Variants in INAVA observed in about 807,000 individuals in gnomAD.
The protein encoded by INAVA is innate immunity activator, also known as innate immunity activator protein.
Under a neutral mutation model 55.3 loss-of-function variants are expected in INAVA, and 32 were observed. The ratio of observed to expected loss-of-function variants is 0.58; its 90% CI spans 0.44 to 0.78. INAVA has a LOEUF of 0.78. Among genes scored for constraint, INAVA ranks in the 30% least tolerant of loss-of-function variants. The pLI is 0.00. For missense variants in INAVA, 756 were observed against 786.4 expected, an observed-to-expected ratio of 0.96 and a Z score of 0.46; for synonymous variants, 294 against 329.4, an observed-to-expected ratio of 0.89 and a Z score of 1.16.
Position 200,898,424 on chromosome 1 carries a change from C to T in INAVA, c.24C>T (p.Ser8=), listed in dbSNP as rs2271017. 0.039 allele frequency: 63,275 copies of T among 1,613,908 alleles called. 1,588 individuals are homozygous for T. The highest frequency in any genetic ancestry group is 0.13 in the East Asian group (5,793 of 44,860). Residue 8 remains serine (S), a synonymous_variant, in exon 2 of 10, where the codon AGC becomes AGT. Coordinates refer to ENST00000413687, the MANE Select transcript of INAVA (RefSeq NM_001142569.3). ...CCATGGAGAGTAAGGATGAGGTCAG[C>T]GACACCGACAGTGGCATCATCCTGC... MESKDEV[S]DTDSGIILQS...
At chr1:200,892,609 T>C (rs1668258985), upstream of INAVA, among the ~76,000 whole-genome samples, 1 of 152,210 alleles carries the variant, frequency 6.6e-6, no homozygotes, top group African/African-American at 2.4e-5. Context: ...ACTGGTGGTC[T>C]GGACGGCACT....
At position 200,898,387 on chromosome 1, in the gene INAVA, T is replaced by A; in HGVS notation, c.-14T>A. The stretch of plus-strand genomic sequence containing the variant: ...CCCTCCCTGCTCTGTGCCCTCTCCT[T>A]CCAGAAATCCACCATGGAGAGTAAG... On this transcript the variant is annotated 5_prime_UTR_variant, in exon 2 of 10. Transcript: ENST00000413687. 1 of 1,614,100 alleles carries A rather than the reference T, an allele frequency of 6.2e-7. No individual in the cohort carries two copies. Among genetic ancestry groups the A allele is most frequent in the Non-Finnish European group, 8.5e-7 (1 of 1,180,006 alleles).
chr1:200,902,036 C>T (rs561097302), intron 5 of INAVA, among the ~76,000 whole-genome samples: 100 of 152,298 alleles, frequency 6.6e-4, no homozygotes, highest in Non-Finnish European at 1.1e-3. Context: ...CATGACTCAG[C>T]TCTGCCCCCC....
At chr1:200,902,355 G>A (rs777023215) in intron 5 of INAVA, among the ~76,000 whole-genome samples, 7 of 152,144 alleles carry the variant, frequency 4.6e-5, no homozygotes, top group Non-Finnish European at 8.8e-5. Flanking sequence ...TTTAATTTAG[G>A]GTAGAAAGTG....
At chr1:200,901,286 C>A in intron 5 of INAVA, 127 bp downstream of exon 5, 1 of 912,936 alleles carries the variant, frequency 1.1e-6, no homozygotes, top group Non-Finnish European at 1.6e-6. Flanking sequence ...TTGGGTTCAG[C>A]TCCACCCCAT....
chr1:200,908,392 T>G, intron 6 of INAVA: 1 of 239,260 alleles, frequency 4.2e-6, no homozygotes, highest in East Asian at 9.7e-5. Context: ...ATAGGCCATA[T>G]GGGCATGGCA....
intron 1 of INAVA, among the ~76,000 whole-genome samples, chr1:200,895,603 A>G (rs1668330019): frequency 6.6e-6 from 1 of 152,050 alleles, no homozygotes; most frequent in South Asian, 2.1e-4. Context: ...CTTAAGACTC[A>G]TAGCCTCCTG....
In INAVA at chr1:200,911,805, G is replaced by A; in HGVS notation, c.1312G>A (p.Val438Met). 2 of 1,608,070 alleles carry A rather than the reference G, an allele frequency of 1.2e-6. No individual in the cohort carries two copies. Among genetic ancestry groups the A allele is most frequent in the African/African-American group, 1.3e-5 (1 of 74,962 alleles). ...PPGYFPAGRY[V>M]VVAESPLPPG... ...TGGCTATTTCCCGGCGGGGCGGTAC[G>A]TGGTGGTGGCTGAGAGCCCCCTGCC... Residue 438 changes from valine (V) to methionine (M), a missense_variant, in exon 9 of 10, where the codon GTG (valine) becomes ATG (methionine). Coordinates refer to ENST00000413687, the MANE Select transcript of INAVA (RefSeq NM_001142569.3).
chr1:200,896,998 G>GCCCACCCCT (rs1215348560), intron 1 of INAVA, among the ~76,000 whole-genome samples: 2 of 152,222 alleles, frequency 1.3e-5, no homozygotes, highest in Admixed American at 6.5e-5. Context: ...CATGGGCTCC[G>GCCCACCCCT]CCCACCCCTC....
chr1:200,895,011 C>G lies in INAVA; in HGVS notation c.-171C>G, dbSNP rs372238891. The G allele has an allele frequency of 1.0e-6, 1 of 985,474 alleles. No homozygotes were observed. The highest frequency in any genetic ancestry group is 1.1e-4 in the East Asian group (1 of 8,902). 61.0% of individuals were successfully genotyped at this position (985,474 alleles called of 1,614,324 possible). ...GCCTGTGGCTTGGGAGACCCTGAGG[C>G]GACATGTGAGGGCCCTGAGCCCCCT... On this transcript the variant is annotated 5_prime_UTR_variant, in exon 1 of 10. Transcript: ENST00000413687.
chr1:200,907,588 G>T (rs1653546132), intron 5 of INAVA, among the ~76,000 whole-genome samples: 1 of 151,968 alleles, frequency 6.6e-6, no homozygotes, highest in Non-Finnish European at 1.5e-5. Flanking sequence ...GAGCCTGGGA[G>T]GTCAAGGCTG....
intron 6 of INAVA, chr1:200,908,349 C>A: frequency 4.8e-6 from 1 of 208,584 alleles, no homozygotes; most frequent in Non-Finnish European, 9.5e-6. Flanking sequence ...TGCAGTCCTG[C>A]CCAGGGGAGT....
chr1:200,891,821 C>G, upstream of INAVA: 3 of 607,084 alleles, frequency 4.9e-6, no homozygotes, highest in East Asian at 6.9e-5. Flanking sequence ...GTAATTTTTT[C>G]AAAGGGGCAG....
chr1:200,909,863 G>A (rs532893110), intron 8 of INAVA, among the ~76,000 whole-genome samples: 1 of 152,136 alleles, frequency 6.6e-6, no homozygotes, highest in Non-Finnish European at 1.5e-5. Context: ...CTTTGGTCAC[G>A]ACATTTTGCA....
chr1:200,896,129 CAG>C (rs1668345797), intron 1 of INAVA, among the ~76,000 whole-genome samples: 1 of 152,194 alleles, frequency 6.6e-6, no homozygotes, highest in South Asian at 2.1e-4. Flanking sequence ...GCAACAGTCT[CAG>C]AGCCCCTGAG....
chr1:200,908,749 A>T lies in INAVA; in HGVS notation c.594A>T (p.Lys198Asn). 7.0e-6 allele frequency: 11 copies of T among 1,578,206 alleles called. No homozygotes were observed. Among genetic ancestry groups the T allele is most frequent in the Non-Finnish European group, 9.5e-6 (11 of 1,163,690 alleles). The change falls in exon 7 of 10, where the codon AAA becomes AAT. Residue 198 changes from lysine (K) to asparagine (N), a missense_variant. By Grantham distance (94) the Lys-to-Asn change is moderately conservative. Coordinates refer to ENST00000413687, the MANE Select transcript of INAVA (RefSeq NM_001142569.3). ...LLEEEESQVP[K>N]PPPESPAPPS... ...CTGCAGAGGAATCCCAAGTGCCAAA[A>T]CCTCCTCCAGAGTCTCCAGCCCCAC...
rs1401853082 is a variant in INAVA, at chr1:200,914,443, T to G, written c.*814T>G. ...GCATCTCAAGGGCTTGCAGCCCCAC[T>G]GCTCCTTCTAACATTTTGTTTGTTT... On this transcript the variant is annotated 3_prime_UTR_variant, in exon 10 of 10. Transcript: ENST00000413687. 2 of 152,332 alleles carry G rather than the reference T, an allele frequency of 1.3e-5. No homozygotes were observed. Among genetic ancestry groups the G allele is most frequent in the Non-Finnish European group, 2.9e-5 (2 of 68,120 alleles). 9.4% of individuals were successfully genotyped at this position (152,332 alleles called of 1,614,324 possible). A position where few individuals can be genotyped will look rare whatever the true frequency, so the allele number is the denominator to read the frequency against.
intron 5 of INAVA, among the ~76,000 whole-genome samples, chr1:200,905,153 A>G (rs1288397363): frequency 6.6e-6 from 1 of 152,226 alleles, no homozygotes; most frequent in Non-Finnish European, 1.5e-5. Context: ...TGAGCCAAGC[A>G]AAGCATGGGC....
chr1:200,901,234 C>T, intron 5 of INAVA, 75 bp downstream of exon 5: 1 of 1,354,188 alleles, frequency 7.4e-7, no homozygotes, highest in African/African-American at 1.5e-5. Flanking sequence ...CAGCCCCGTG[C>T]CACTGCCTTT....
Sources: allele counts gnomAD v4.1 joint callset (sites outside exome capture counted in the v4.1 genomes callset), GRCh38; gene constraint gnomAD v4.1.1; transcripts MANE v1.5; gene names NCBI Gene and HGNC (gene_info 2026-07-23, HGNC 2026-07-21).